Variants in HMCN1 observed in about 807,000 individuals in gnomAD.
The protein encoded by HMCN1 is hemicentin-1.
In HMCN1, 321 loss-of-function variants were observed where a neutral mutation model predicts 625.9. The observed-to-expected ratio is 0.51, with a 90% CI of 0.47 to 0.56. HMCN1 has a LOEUF of 0.56. HMCN1 is among the 20% of genes least tolerant of loss of function. The pLI is 0.00. For synonymous variants in HMCN1, 2,425 were observed against 2,417.6 expected (o/e 1.00, Z -0.09); for missense variants, 6,588 against 6,887.3 (o/e 0.96, Z 1.54).
intron 2 of HMCN1, among the ~76,000 whole-genome samples, chr1:185,849,352 A>T (rs1161616736): frequency 2.0e-5 from 3 of 152,144 alleles, no homozygotes; most frequent in Admixed American, 6.6e-5. Flanking sequence ...ACTTCCTCAG[A>T]GAATCCTGCC....
chr1:185,774,169 T>G (rs953984659), intron 1 of HMCN1, among the ~76,000 whole-genome samples: 3 of 152,222 alleles, frequency 2.0e-5, no homozygotes, highest in Admixed American at 6.5e-5. Context: ...AAATAATTTG[T>G]TTTTTTAAAG....
intron 36 of HMCN1, among the ~76,000 whole-genome samples, chr1:186,032,049 CAAAAAT>C (rs1038019167): frequency 6.0e-5 from 9 of 149,228 alleles, no homozygotes; most frequent in Non-Finnish European, 1.3e-4. Flanking sequence ...AAAAAAAAAA[CAAAAAT>C]AAATAAATGG....
chr1:185,966,001 T>G, intron 14 of HMCN1, 86 bp downstream of exon 14: 1 of 872,420 alleles, frequency 1.1e-6, no homozygotes, highest in Non-Finnish European at 1.9e-6. Flanking sequence ...TTTGTTTTGG[T>G]GTGTGACTTA....
At chr1:186,187,118 C>CA (rs1159944291) in intron 105 of HMCN1, among the ~76,000 whole-genome samples, 4 of 151,986 alleles carry the variant, frequency 2.6e-5, no homozygotes, top group African/African-American at 9.7e-5. Context: ...AAAACACTTT[C>CA]AGGAAGCACT....
intron 1 of HMCN1, among the ~76,000 whole-genome samples, chr1:185,757,438 G>C (rs978154225): frequency 5.9e-5 from 9 of 151,976 alleles, no homozygotes. Flanking sequence ...TCAAGACCTT[G>C]CACTTGGCTT....
At chr1:185,892,630 G>A (rs539108241) in intron 4 of HMCN1, among the ~76,000 whole-genome samples, 53 of 152,116 alleles carry the variant, frequency 3.5e-4, no homozygotes, top group South Asian at 2.1e-3. Flanking sequence ...CTCGGGGGTC[G>A]GGGGTCAGGG....
chr1:185,860,132 A>G (rs1378674935), intron 2 of HMCN1, among the ~76,000 whole-genome samples: 1 of 152,212 alleles, frequency 6.6e-6, no homozygotes, highest in Non-Finnish European at 1.5e-5. Flanking sequence ...CCACAATGAG[A>G]TAAACACATA....
intron 48 of HMCN1, among the ~76,000 whole-genome samples, chr1:186,064,267 G>A (rs1657962764): frequency 6.6e-6 from 1 of 151,652 alleles, no homozygotes; most frequent in African/African-American, 2.4e-5. Context: ...TTTTTTTTAA[G>A]TATTTGAATA....
rs1046142909 is a variant in HMCN1, at chr1:186,052,989, A to C, written c.6615A>C (p.Gln2205His). 4 of 1,607,796 alleles carry C rather than the reference A, an allele frequency of 2.5e-6. No individual in the cohort carries two copies. In the African/African-American group the frequency reaches 4.0e-5, roughly 16 times the overall value. ...TTGGTGGTTCTGATGAACTTACTCA[A>C]CTTACAGTCATTGAAGGGAATCTCA... is the stretch of plus-strand genomic sequence containing the variant. ...PNIGGSDELTQLTVIEGNLIS... is the reference protein window; with the variant it reads ...PNIGGSDELTHLTVIEGNLIS... Residue 2205 changes from glutamine to histidine, a missense_variant, in exon 43 of 107, where the codon CAA becomes CAC. Gln to His is a conservative substitution (Grantham distance 24). Coordinates refer to ENST00000271588, the MANE Select transcript of HMCN1 (RefSeq NM_031935.3).
At chr1:185,746,379 A>C (rs1654395773) in intron 1 of HMCN1, among the ~76,000 whole-genome samples, 1 of 152,196 alleles carries the variant, frequency 6.6e-6, no homozygotes, top group Admixed American at 6.5e-5. Context: ...TGACTTAAAC[A>C]ATAGAAATTT....
chr1:186,040,670 A>G (rs1477428049), intron 39 of HMCN1, among the ~76,000 whole-genome samples: 1 of 152,118 alleles, frequency 6.6e-6, no homozygotes, highest in Non-Finnish European at 1.5e-5. Context: ...CCCAAAGAAA[A>G]ATTAGAAAGA....
At chr1:186,139,267 A>G (rs902525504) in intron 89 of HMCN1, among the ~76,000 whole-genome samples, 15 of 152,222 alleles carry the variant, frequency 9.9e-5, no homozygotes, top group Admixed American at 9.2e-4. Context: ...AATCGTAGGT[A>G]TCTGGATTTG....
At chr1:186,105,759 T>A (rs1378189267) in intron 69 of HMCN1, among the ~76,000 whole-genome samples, 1 of 152,148 alleles carries the variant, frequency 6.6e-6, no homozygotes, top group African/African-American at 2.4e-5. Context: ...CAGGAAATAT[T>A]TTGTGGAAAA....
rs1417471123 is a variant in HMCN1 at position 186,114,932 on chromosome 1, A to T, written c.11390A>T (p.Asp3797Val). The change falls in exon 74 of 107, where the codon GAT (aspartate) becomes GTT (valine). Residue 3797 changes from aspartate (D) to valine (V), a missense_variant. Transcript: ENST00000271588. Reference protein sequence around the residue: ...NAAGTDRRRIDLQVHVPPSIA... With the variant: ...NAAGTDRRRIVLQVHVPPSIA... ...GCTGGAACAGATCGCAGGCGAATAG[A>T]TTTACAGGTCCATGGTAAATATCCG... is the stretch of plus-strand genomic sequence containing the variant. 1.2e-6 allele frequency: 2 copies of T among 1,614,144 alleles called. No individual in the cohort carries two copies. The highest frequency in any genetic ancestry group is 1.1e-5 in the South Asian group (1 of 91,082).
At chr1:186,028,910 A>G (rs1655235757) in intron 36 of HMCN1, among the ~76,000 whole-genome samples, 1 of 151,766 alleles carries the variant, frequency 6.6e-6, no homozygotes, top group South Asian at 2.1e-4. Context: ...TCTTTTTAGT[A>G]GAGACGGGGT....
chr1:185,797,245 CT>C (rs1204342065), intron 1 of HMCN1, among the ~76,000 whole-genome samples: 2 of 151,978 alleles, frequency 1.3e-5, no homozygotes, highest in East Asian at 3.9e-4. Flanking sequence ...GATATTAGTC[CT>C]TTGTCAGATG....
chr1:185,903,453 C>CT (rs1330552900), intron 4 of HMCN1, among the ~76,000 whole-genome samples: 4 of 151,180 alleles, frequency 2.6e-5, no homozygotes, highest in African/African-American at 9.8e-5. Context: ...AGCAGAAAGT[C>CT]TGTTTTTTTT....
At chr1:185,846,127 G>T in intron 2 of HMCN1, 31 bp downstream of exon 2, 1 of 1,475,318 alleles carries the variant, frequency 6.8e-7, no homozygotes. Flanking sequence ...TTCTCTTGGG[G>T]GAATGGAAAA....
intron 2 of HMCN1, among the ~76,000 whole-genome samples, chr1:185,852,577 T>TAC (rs67719442): frequency 0.037 from 5,018 of 135,536 alleles, 97 homozygotes; most frequent in Admixed American, 0.058. Flanking sequence ...ACAAATATCC[T>TAC]ACACACACAC....
Sources: allele counts gnomAD v4.1 joint callset (sites outside exome capture counted in the v4.1 genomes callset), GRCh38; gene constraint gnomAD v4.1.1; transcripts MANE v1.5; gene names NCBI Gene and HGNC (gene_info 2026-07-23, HGNC 2026-07-21).